Variants in STK39 observed in about 807,000 individuals in gnomAD.
The protein encoded by STK39 is STE20/SPS1-related proline-alanine-rich protein kinase.
In STK39, 20 loss-of-function variants were observed where a neutral mutation model predicts 77.8. The observed-to-expected ratio is 0.26, with a 90% CI of 0.18 to 0.37. STK39 has a LOEUF of 0.37. Among genes scored for constraint, STK39 ranks in the 10% least tolerant of loss-of-function variants. The pLI is 1.00. For missense variants in STK39, 479 were observed against 656.5 expected, an observed-to-expected ratio of 0.73 and a Z score of 2.95; for synonymous variants, 246 against 234.1, an observed-to-expected ratio of 1.05 and a Z score of -0.47.
chr2:168,160,411 C>T (rs1048476676), intron 5 of STK39, among the ~76,000 whole-genome samples: 1 of 152,130 alleles, frequency 6.6e-6, no homozygotes, highest in Non-Finnish European at 1.5e-5. Flanking sequence ...CCAGTCAGTG[C>T]AAGGGAGTAT....
At chr2:168,076,394 C>G (rs143617330) in intron 10 of STK39, among the ~76,000 whole-genome samples, 1 of 152,162 alleles carries the variant, frequency 6.6e-6, no homozygotes, top group Admixed American at 6.5e-5. Flanking sequence ...GTGAAGAAAG[C>G]CTACTTTTTA....
chr2:168,059,028 C>T (rs1373496620), intron 14 of STK39, among the ~76,000 whole-genome samples: 2 of 152,244 alleles, frequency 1.3e-5, no homozygotes, highest in Non-Finnish European at 2.9e-5. Flanking sequence ...CTTGGCTCTG[C>T]CTGCACTGGT....
At chr2:168,213,765 G>A (rs574093688) in intron 1 of STK39, among the ~76,000 whole-genome samples, 1 of 151,794 alleles carries the variant, frequency 6.6e-6, no homozygotes. Flanking sequence ...TTAACCTTGG[G>A]GGGAATGTTT....
chr2:168,193,338 C>T (rs1170887499), intron 1 of STK39, among the ~76,000 whole-genome samples: 1 of 152,154 alleles, frequency 6.6e-6, no homozygotes, highest in Non-Finnish European at 1.5e-5. Flanking sequence ...GAAGCAGGGG[C>T]ATGATGCCAT....
chr2:168,144,377 C>T (rs1172656481), intron 5 of STK39, among the ~76,000 whole-genome samples: 1 of 152,080 alleles, frequency 6.6e-6, no homozygotes, highest in Non-Finnish European at 1.5e-5. Context: ...GATCATGGCT[C>T]ACTGCAGCCT....
At chr2:168,181,099 A>C (rs1689072649) in intron 2 of STK39, among the ~76,000 whole-genome samples, 1 of 152,200 alleles carries the variant, frequency 6.6e-6, no homozygotes, top group Non-Finnish European at 1.5e-5. Flanking sequence ...GCCAACTGTC[A>C]TTATACTTTG....
chr2:168,221,017 T>C lies in STK39; in HGVS notation c.208+26211A>G, dbSNP rs576963925. Among the ~76,000 whole-genome samples the C allele has an allele frequency of 4.0e-4, 61 of 152,282 alleles. 1 individual carries two copies. In the South Asian group the frequency reaches 0.011, roughly 27 times the overall value. On this transcript the variant is annotated intron_variant, in intron 1 of 17. Coordinates refer to ENST00000355999, the MANE Select transcript of STK39 (RefSeq NM_013233.3). ...GTTTCCTGGGTTGGTTTCTTTTGCATTGCAGTAATTCATTTACTTGGTTAA... is the reference window on the plus strand; with the variant it reads ...GTTTCCTGGGTTGGTTTCTTTTGCACTGCAGTAATTCATTTACTTGGTTAA...
At chr2:167,994,338 A>T (rs763432029) in intron 16 of STK39, among the ~76,000 whole-genome samples, 3 of 151,998 alleles carry the variant, frequency 2.0e-5, no homozygotes, top group African/African-American at 7.3e-5. Context: ...CCAGTGAAAA[A>T]GAAAAAAAAT....
In STK39 at chr2:168,092,377, T is replaced by G. The variant is rs573953113; in HGVS notation, c.1090-17146A>C. 1.8e-3 allele frequency among the ~76,000 whole-genome samples: 276 copies of G among 152,336 alleles called. 2 individuals are homozygous for G. The highest frequency in any genetic ancestry group is 3.4e-3 in the Middle Eastern group (1 of 294). On this transcript the variant is annotated intron_variant, in intron 10 of 17. Transcript: ENST00000355999. ...ACTAAAAAGGGCCATAAATTCTATC[T>G]TGTTAATTCATTTCATACTAACAGA...
chr2:168,042,311 A>G (rs1685126143), intron 14 of STK39, among the ~76,000 whole-genome samples: 1 of 152,184 alleles, frequency 6.6e-6, no homozygotes, highest in Non-Finnish European at 1.5e-5. Flanking sequence ...TGCTTACTCA[A>G]CTTTCAGTTC....
chr2:167,978,420 T>A lies in STK39; in HGVS notation c.1499-13694A>T, dbSNP rs1161025064. ...GACAGCTTAAAGGTTAGAAGCAAGA[T>A]GGAGTCAGGTCTGATCTCTTCCACT... On this transcript the variant is annotated intron_variant, in intron 16 of 17. Coordinates refer to ENST00000355999, the MANE Select transcript of STK39 (RefSeq NM_013233.3). Among the ~76,000 whole-genome samples, 3 of 152,290 alleles carry A rather than the reference T, an allele frequency of 2.0e-5. No homozygotes were observed. The South Asian group carries it at 6.2e-4, about 32-fold the overall frequency.
chr2:168,063,367 A>G lies in STK39; in HGVS notation c.1376+133T>C. 4 of 752,248 alleles carry G rather than the reference A, an allele frequency of 5.3e-6. No homozygotes were observed. The South Asian group carries it at 7.5e-5, about 14-fold the overall frequency. 46.6% of individuals were successfully genotyped at this position (752,248 alleles called of 1,614,324 possible). A position where few individuals can be genotyped will look rare whatever the true frequency, so the allele number is the denominator to read the frequency against. On this transcript the variant is annotated intron_variant, in intron 14 of 17. Coordinates refer to ENST00000355999, the MANE Select transcript of STK39 (RefSeq NM_013233.3). ...ACAATTAGCCCTGGGAATACAGCAT[A>G]CACTCATGGTTCGGGGAAATCAAAT...
intron 16 of STK39, among the ~76,000 whole-genome samples, chr2:168,000,171 A>G (rs1008506976): frequency 6.6e-6 from 1 of 152,360 alleles, no homozygotes; most frequent in African/African-American, 2.4e-5. Context: ...GATTATGCCT[A>G]TAAGATTAAA....
rs79581282 is a variant in STK39, at chr2:168,088,093, T to C, written c.1090-12862A>G. 2.1e-4 allele frequency among the ~76,000 whole-genome samples: 32 copies of C among 152,290 alleles called. No individual in the cohort carries two copies. In the East Asian group the frequency reaches 5.6e-3, roughly 27 times the overall value. On this transcript the variant is annotated intron_variant, in intron 10 of 17. Coordinates refer to ENST00000355999, the MANE Select transcript of STK39 (RefSeq NM_013233.3). The stretch of plus-strand genomic sequence containing the variant: ...AACCTGGAAAGACACTCAAATGCAC[T>C]GATTTTTGTGGAATGGAAACTCCAT...
chr2:168,095,591 G>A (rs999772828), intron 10 of STK39, among the ~76,000 whole-genome samples: 27 of 149,148 alleles, frequency 1.8e-4, no homozygotes, highest in Non-Finnish European at 3.1e-4. Flanking sequence ...AAAAGCCTGC[G>A]CTGAATCTGC....
At chr2:168,072,430 C>A (rs553666501) in intron 12 of STK39, among the ~76,000 whole-genome samples, 1 of 152,306 alleles carries the variant, frequency 6.6e-6, no homozygotes, top group South Asian at 2.1e-4. Flanking sequence ...TCTAAAATTA[C>A]AACTTCCCAC....
chr2:167,978,676 A>G (rs1004578766), intron 16 of STK39, among the ~76,000 whole-genome samples: 1 of 152,184 alleles, frequency 6.6e-6, no homozygotes, highest in African/African-American at 2.4e-5. Flanking sequence ...GAGTATGAAC[A>G]TGTGTACACA....
intron 10 of STK39, among the ~76,000 whole-genome samples, chr2:168,116,844 TA>T (rs1455929655): frequency 1.3e-5 from 2 of 152,208 alleles, no homozygotes; most frequent in Non-Finnish European, 2.9e-5. Context: ...GATCATGATA[TA>T]AAAAGTTTAA....
chr2:168,233,615 T>A (rs778688337), intron 1 of STK39, among the ~76,000 whole-genome samples: 37 of 141,406 alleles, frequency 2.6e-4, no homozygotes, highest in Non-Finnish European at 5.3e-4. Context: ...AATCCCAAAA[T>A]GTTTCTAACT....
Sources: gnomAD v4.1 joint callset for allele counts (sites outside exome capture counted in the v4.1 genomes callset) on GRCh38, gnomAD v4.1.1 for gene constraint, MANE v1.5 for transcripts, NCBI Gene and HGNC (gene_info 2026-07-23, HGNC 2026-07-21) for gene names.